The following TRPM1 variants were observed in gnomAD, a reference collection of about 807,000 sequenced individuals.
TRPM1 encodes transient receptor potential cation channel subfamily M member 1, also known as TRPM1-203 APA Isoform, Intron 10.
TRPM1 carries 113 observed loss-of-function variants against 149.4 expected under a neutral mutation model. The observed-to-expected ratio is 0.76, with a 90% CI of 0.65 to 0.88. The LOEUF is 0.88. TRPM1 is among the 40% of genes least tolerant of loss of function. The pLI, the probability that TRPM1 is intolerant of heterozygous loss-of-function variation, is 0.00. For synonymous variants in TRPM1, 741 were observed against 759.5 expected, an observed-to-expected ratio of 0.98 and a Z score of 0.40; for missense variants, 1,976 against 2,038.7, an observed-to-expected ratio of 0.97 and a Z score of 0.59.
At chr15:31,023,714 C>G (rs530607896) in intron 27 of TRPM1, among the ~76,000 whole-genome samples, 12 of 152,184 alleles carry the variant, frequency 7.9e-5, no homozygotes, top group Non-Finnish European at 1.6e-4. Context: ...ATGCCATTCA[C>G]AGAGACTGGA....
chr15:31,045,646 C>T (rs12324921), intron 16 of TRPM1, among the ~76,000 whole-genome samples: 6 of 152,146 alleles, frequency 3.9e-5, no homozygotes, highest in South Asian at 2.1e-4. Flanking sequence ...GCTCATCATA[C>T]GTTTCCCTTG....
intron 1 of TRPM1, among the ~76,000 whole-genome samples, chr15:31,155,904 A>C (rs1246255419): frequency 6.6e-6 from 1 of 152,168 alleles, no homozygotes; most frequent in Non-Finnish European, 1.5e-5. Context: ...TGACAGATAA[A>C]GAAGGAAATC....
intron 26 of TRPM1, 139 bp from the exon 27 acceptor site, chr15:31,026,410 AT>A: frequency 1.9e-6 from 2 of 1,049,732 alleles, no homozygotes; most frequent in South Asian, 1.4e-5. Flanking sequence ...ACTCCAATTG[AT>A]TTTTATCTAA....
intron 1 of TRPM1, among the ~76,000 whole-genome samples, chr15:31,111,344 G>A (rs975808489): frequency 1.3e-5 from 2 of 152,174 alleles, no homozygotes; most frequent in Non-Finnish European, 2.9e-5. Flanking sequence ...GCCCTTTGCT[G>A]GGACCTAATG....
chr15:31,110,604 C>A (rs1349354277), intron 1 of TRPM1, among the ~76,000 whole-genome samples: 1 of 152,170 alleles, frequency 6.6e-6, no homozygotes, highest in African/African-American at 2.4e-5. Flanking sequence ...GGCCGCCCAG[C>A]CTCGTCAACA....
rs144004866 is a variant in TRPM1 at position 31,004,300 on chromosome 15, C to A, written c.3630-1230G>T. On this transcript the variant is annotated intron_variant, in intron 27 of 27. Coordinates refer to ENST00000256552, the MANE Select transcript of TRPM1 (RefSeq NM_001252024.2). ...TATCCATCCATTTCACGGTGGTCAG[C>A]CACCCCGCTCTTTTGTCTTCTGAGC... 7.1e-3 allele frequency among the ~76,000 whole-genome samples: 1,076 copies of A among 152,132 alleles called. 14 individuals are homozygous for A. Among genetic ancestry groups the A allele is most frequent in the African/African-American group, 0.024 (1,008 of 41,478 alleles).
At chr15:31,104,282 G>C (rs906388032), upstream of TRPM1, among the ~76,000 whole-genome samples, 1 of 152,154 alleles carries the variant, frequency 6.6e-6, no homozygotes, top group African/African-American at 2.4e-5. Flanking sequence ...CCTGTGTGGG[G>C]CCCTGATGAG....
At chr15:31,096,134 AGAAG>A (rs1246269555) in intron 1 of TRPM1, among the ~76,000 whole-genome samples, 2 of 151,520 alleles carry the variant, frequency 1.3e-5, no homozygotes, top group African/African-American at 4.8e-5. Flanking sequence ...AGGGAAGGGA[AGAAG>A]GAAGGAAGGG....
At chr15:31,063,020 A>G in intron 8 of TRPM1, 98 bp downstream of exon 8, 3 of 1,495,776 alleles carry the variant, frequency 2.0e-6, no homozygotes, top group Non-Finnish European at 2.7e-6. Flanking sequence ...TGATTTAAAC[A>G]CGTTTGGAAT....
intron 2 of TRPM1, among the ~76,000 whole-genome samples, chr15:31,078,577 G>A (rs1197867815): frequency 6.6e-6 from 1 of 152,224 alleles, no homozygotes; most frequent in East Asian, 1.9e-4. Context: ...TCAGAGGTTG[G>A]TGCTTTTGTG....
intron 1 of TRPM1, among the ~76,000 whole-genome samples, chr15:31,088,920 G>A (rs1287815249): frequency 6.6e-6 from 1 of 152,176 alleles, no homozygotes; most frequent in African/African-American, 2.4e-5. Context: ...AAGTCTGGTG[G>A]CAGAATTGCG....
intron 24 of TRPM1, among the ~76,000 whole-genome samples, chr15:31,028,677 G>A (rs569520171): frequency 3.3e-5 from 5 of 151,708 alleles, no homozygotes; most frequent in South Asian, 2.1e-4. Flanking sequence ...GCGTGAACCC[G>A]GGAGGCAGAG....
At chr15:31,107,980 C>G (rs1177933482) in intron 1 of TRPM1, among the ~76,000 whole-genome samples, 1 of 151,604 alleles carries the variant, frequency 6.6e-6, no homozygotes, top group East Asian at 1.9e-4. Flanking sequence ...GCCTCAGCCT[C>G]TCAAGTAGCT....
intron 1 of TRPM1, among the ~76,000 whole-genome samples, chr15:31,118,174 C>T (rs578232714): frequency 7.2e-4 from 110 of 152,264 alleles, no homozygotes; most frequent in Middle Eastern, 3.4e-3. Context: ...ATGAGAATCC[C>T]TTGAACCCAG....
At chr15:31,100,865 C>G (rs143272186) in intron 1 of TRPM1, among the ~76,000 whole-genome samples, 1 of 152,182 alleles carries the variant, frequency 6.6e-6, no homozygotes, top group Non-Finnish European at 1.5e-5. Flanking sequence ...CTGTGCTTCC[C>G]GGTAGCACAC....
chr15:31,050,020 C>T (rs750393779), intron 12 of TRPM1, among the ~76,000 whole-genome samples: 5 of 152,220 alleles, frequency 3.3e-5, no homozygotes, highest in Non-Finnish European at 5.9e-5. Flanking sequence ...TTACCCCACA[C>T]ACCCAATCAT....
intron 3 of TRPM1, 94 bp downstream of exon 3, chr15:31,076,811 C>A: frequency 9.9e-7 from 1 of 1,013,466 alleles, no homozygotes; most frequent in Non-Finnish European, 1.6e-6. Flanking sequence ...TCTGGCCACC[C>A]TTCTGGACTC....
intron 27 of TRPM1, among the ~76,000 whole-genome samples, chr15:31,015,405 C>A (rs2032324137): frequency 1.3e-5 from 2 of 148,360 alleles, no homozygotes; most frequent in South Asian, 4.3e-4. Flanking sequence ...GAGCGAGACT[C>A]CGTCTTAAAA....
chr15:31,016,191 C>T (rs1365182989), intron 27 of TRPM1, among the ~76,000 whole-genome samples: 4 of 152,060 alleles, frequency 2.6e-5, no homozygotes, highest in Non-Finnish European at 4.4e-5. Flanking sequence ...ATAGGGTTTG[C>T]GAAATTTTTC....
Sources: gnomAD v4.1 joint callset for allele counts (sites outside exome capture counted in the v4.1 genomes callset) on GRCh38, gnomAD v4.1.1 for gene constraint, MANE v1.5 for transcripts, NCBI Gene and HGNC (gene_info 2026-07-23, HGNC 2026-07-21) for gene names.